The following FMO1 variants were observed in gnomAD, a reference collection of about 807,000 sequenced individuals.
FMO1 encodes flavin-containing monooxygenase 1.
In FMO1, 36 loss-of-function variants were observed where a neutral mutation model predicts 45.4. The observed-to-expected ratio is 0.79, with a 90% CI of 0.61 to 1.05. The LOEUF is 1.05. FMO1 is among the 50% of genes least tolerant of loss of function. The probability of loss-of-function intolerance (pLI) is 0.00; values close to 1 mark genes in which losing one functional copy is unlikely to be tolerated. For synonymous variants in FMO1, 228 were observed against 227.2 expected (o/e 1.00, Z -0.03); for missense variants, 615 against 640.3 (o/e 0.96, Z 0.43).
chr1:171,263,867 C>T (rs556009551), intron 2 of FMO1, among the ~76,000 whole-genome samples: 4 of 151,986 alleles, frequency 2.6e-5, no homozygotes, highest in South Asian at 2.1e-4. Context: ...CACAGTGAGG[C>T]GAACACTGGA....
intron 5 of FMO1, among the ~76,000 whole-genome samples, chr1:171,280,495 T>C (rs1373568652): frequency 1.3e-5 from 2 of 152,310 alleles, no homozygotes; most frequent in East Asian, 1.9e-4. Flanking sequence ...CTGTTCATTG[T>C]TTTCTTACAT....
intron 2 of FMO1, among the ~76,000 whole-genome samples, chr1:171,265,690 C>T (rs1660590317): frequency 1.3e-5 from 2 of 151,254 alleles, no homozygotes; most frequent in Non-Finnish European, 1.5e-5. Context: ...GTTAAACACT[C>T]GTAGACACAT....
intron 3 of FMO1, among the ~76,000 whole-genome samples, chr1:171,273,847 G>T (rs1212071682): frequency 1.3e-5 from 2 of 152,138 alleles, no homozygotes; most frequent in Non-Finnish European, 2.9e-5. Context: ...TTTTTAAAAA[G>T]CTAGATGTTC....
At position 171,285,285 on chromosome 1, in the gene FMO1, C is replaced by T. The variant is rs748412860; in HGVS notation, c.1340C>T (p.Pro447Leu). The change falls in exon 9 of 9, where the codon CCC (proline) becomes CTC (leucine). Residue 447 changes from proline to leucine, a missense_variant. By Grantham distance (98) the Pro-to-Leu change is moderately conservative (BLOSUM62 -3). Coordinates refer to ENST00000617670, the MANE Select transcript of FMO1 (RefSeq NM_001282693.2). Reference sequence around the variant, plus strand: ...CTCCTGACCTATATCAATGCAAAACCCAACCTGTTCTCTATGCTCCTAACG... The same window carrying T: ...CTCCTGACCTATATCAATGCAAAACTCAACCTGTTCTCTATGCTCCTAACG... ...DELLTYINAK[P>L]NLFSMLLTDP... 7.4e-6 allele frequency: 12 copies of T among 1,613,908 alleles called. No homozygotes were observed. In the East Asian group the frequency reaches 2.7e-4, roughly 36 times the overall value.
chr1:171,263,851 A>C (rs1311824208), intron 2 of FMO1, among the ~76,000 whole-genome samples: 1 of 152,140 alleles, frequency 6.6e-6, no homozygotes, highest in Non-Finnish European at 1.5e-5. Flanking sequence ...TCACTGGGGC[A>C]GATTGCACAG....
At chr1:171,273,430 A>T (rs1660958110) in intron 3 of FMO1, among the ~76,000 whole-genome samples, 1 of 152,244 alleles carries the variant, frequency 6.6e-6, no homozygotes, top group African/African-American at 2.4e-5. Flanking sequence ...TATATACAAC[A>T]TATAAAAATC....
In FMO1 at chr1:171,275,416, A is replaced by G; in HGVS notation, c.392A>G (p.His131Arg). 6.2e-7 allele frequency: 1 copy of G among 1,613,786 alleles called. No homozygotes were observed. Among genetic ancestry groups the G allele is most frequent in the South Asian group, 1.1e-5 (1 of 91,064 alleles). The change falls in exon 4 of 9, where the codon CAT becomes CGT. Residue 131 changes from histidine to arginine, a missense_variant. His to Arg is a conservative substitution (Grantham distance 29). Coordinates refer to ENST00000617670, the MANE Select transcript of FMO1 (RefSeq NM_001282693.2). ...GGCCAATGGGAGGTGGTCACTATGC[A>G]TGAAGAGAAGCAAGAGTCAGCCATC... is the stretch of plus-strand genomic sequence containing the variant. ...VSGQWEVVTM[H>R]EEKQESAIFD... is the part of the protein sequence containing the mutation.
intron 2 of FMO1, among the ~76,000 whole-genome samples, chr1:171,267,214 A>G (rs1186112763): frequency 6.6e-6 from 1 of 152,162 alleles, no homozygotes; most frequent in East Asian, 1.9e-4. Flanking sequence ...TATCTTTCCA[A>G]AATTTAGAAG....
At chr1:171,283,532 C>T (rs1224845098) in intron 8 of FMO1, among the ~76,000 whole-genome samples, 1 of 152,008 alleles carries the variant, frequency 6.6e-6, no homozygotes, top group Non-Finnish European at 1.5e-5. Context: ...CCCTAATCTA[C>T]CAGGTACATT....
chr1:171,281,112 C>T (rs1239514232), intron 6 of FMO1, 127 bp downstream of exon 6: 3 of 727,530 alleles, frequency 4.1e-6, no homozygotes, highest in Non-Finnish European at 7.0e-6. Flanking sequence ...TACAAATTTG[C>T]TTGATAATAA....
At position 171,282,372 on chromosome 1, in the gene FMO1, G is replaced by A. The variant is rs758939084; in HGVS notation, c.1183+39G>A. ...ATAGCAGGGCATGTGTTTTTGGTGT[G>A]CCATGTGATTCTGGATACTGGAAAT... On this transcript the variant is annotated intron_variant, in intron 7 of 8. Coordinates refer to ENST00000617670, the MANE Select transcript of FMO1 (RefSeq NM_001282693.2). The A allele has an allele frequency of 6.7e-6, 9 of 1,343,588 alleles. No individual in the cohort carries two copies. The African/African-American group carries it at 1.2e-4, about 18-fold the overall frequency. 83.2% of individuals were successfully genotyped at this position (1,343,588 alleles called of 1,614,324 possible).
intron 2 of FMO1, among the ~76,000 whole-genome samples, chr1:171,261,321 G>GCGCACACACACACACA: frequency 6.8e-6 from 1 of 148,040 alleles, no homozygotes; most frequent in South Asian, 2.1e-4. Context: ...ACACACACAG[G>GCGCACACACACACACA]CACACACACA....
intron 1 of FMO1, among the ~76,000 whole-genome samples, chr1:171,255,794 G>A (rs1660121621): frequency 6.6e-6 from 1 of 152,086 alleles, no homozygotes; most frequent in African/African-American, 2.4e-5. Flanking sequence ...TTTCTTTCCT[G>A]CTGTCCTGCT....
At chr1:171,267,087 A>G (rs1660647147) in intron 2 of FMO1, among the ~76,000 whole-genome samples, 1 of 152,172 alleles carries the variant, frequency 6.6e-6, no homozygotes, top group Non-Finnish European at 1.5e-5. Context: ...TCCAGCTATC[A>G]TTGCCTCTGC....
chr1:171,269,441 G>A (rs1310217535), intron 3 of FMO1, among the ~76,000 whole-genome samples: 1 of 151,848 alleles, frequency 6.6e-6, no homozygotes, highest in Non-Finnish European at 1.5e-5. Context: ...ACTCTTGTTT[G>A]GTTTTTTGTT....
In FMO1 at chr1:171,282,238, A is replaced by C; in HGVS notation, c.1088A>C (p.Lys363Thr). 6.2e-7 allele frequency: 1 copy of C among 1,614,012 alleles called. No homozygotes were observed. Among genetic ancestry groups the C allele is most frequent in the Non-Finnish European group, 8.5e-7 (1 of 1,179,930 alleles). ...TATATCTTCCCTGCACATCTGCAAA[A>C]GCCAACCCTGGCCATTATTGGCCTC... ...YKYIFPAHLQ[K>T]PTLAIIGLIK... Residue 363 changes from lysine to threonine, a missense_variant, in exon 7 of 9, where the codon AAG becomes ACG. Coordinates refer to ENST00000617670, the MANE Select transcript of FMO1 (RefSeq NM_001282693.2).
At chr1:171,251,166 G>A (rs1196528515) in intron 1 of FMO1, among the ~76,000 whole-genome samples, 1 of 152,140 alleles carries the variant, frequency 6.6e-6, no homozygotes, top group South Asian at 2.1e-4. Flanking sequence ...TACTTGGGAA[G>A]TCCATAATAT....
intron 1 of FMO1, 123 bp from the exon 2 acceptor site, chr1:171,257,959 C>A: frequency 9.0e-7 from 1 of 1,105,494 alleles, no homozygotes; most frequent in Non-Finnish European, 1.3e-6. Context: ...CAGAGACCCG[C>A]TACAGAAGAT....
intron 1 of FMO1, among the ~76,000 whole-genome samples, chr1:171,254,774 G>A (rs375666009): frequency 3.3e-5 from 5 of 152,262 alleles, no homozygotes; most frequent in African/African-American, 4.8e-5. Context: ...GCCCACTGAA[G>A]TCTATTCATC....
Sources: allele counts gnomAD v4.1 joint callset (sites outside exome capture counted in the v4.1 genomes callset), GRCh38; gene constraint gnomAD v4.1.1; transcripts MANE v1.5; gene names NCBI Gene and HGNC (gene_info 2026-07-23, HGNC 2026-07-21).